GDF10: variants seen among roughly 807,000 people sequenced by gnomAD.
The protein encoded by GDF10 is growth/differentiation factor 10.
GDF10 carries 23 observed loss-of-function variants against 32.1 expected under a neutral mutation model. That is an observed-to-expected ratio of 0.72 (90% CI 0.52 to 1.02). The LOEUF (loss-of-function observed/expected upper bound fraction) is 1.02. GDF10 is among the 50% of genes least tolerant of loss of function. The pLI, the probability that GDF10 is intolerant of heterozygous loss-of-function variation, is 0.00. For missense variants in GDF10, 764 were observed against 673.9 expected (o/e 1.13, Z -1.48); for synonymous variants, 328 against 303.1 (o/e 1.08, Z -0.85).
intron 1 of GDF10, among the ~76,000 whole-genome samples, chr10:47,306,041 C>A (rs2061021926): frequency 6.6e-6 from 1 of 152,196 alleles, no homozygotes; most frequent in Non-Finnish European, 1.5e-5. Context: ...CAAGCCCCGA[C>A]TCCACCCCTT....
Position 47,309,829 on chromosome 10 carries a change from A to G in GDF10, c.353A>G (p.Asn118Ser), listed in dbSNP as rs782765479. Residue 118 changes from asparagine (N) to serine (S), a missense_variant, in exon 2 of 3, where the codon AAC becomes AGC. By Grantham distance (46) the Asn-to-Ser change is conservative (BLOSUM62 1). Coordinates refer to ENST00000580279, the MANE Select transcript of GDF10 (RefSeq NM_004962.5). ...GACCAGAAGGCCGTGTATTTCTTCAACCTGACTTCCATGCAAGACTCGGAA... is the reference window on the plus strand; with the variant it reads ...GACCAGAAGGCCGTGTATTTCTTCAGCCTGACTTCCATGCAAGACTCGGAA... ...VVDQKAVYFF[N>S]LTSMQDSEMI... 1 of 1,612,332 alleles carries G rather than the reference A, an allele frequency of 6.2e-7. No homozygotes were observed. The highest frequency in any genetic ancestry group is 1.1e-5 in the South Asian group (1 of 91,054).
At chr10:47,309,502 C>T (rs2607874) in intron 1 of GDF10, among the ~76,000 whole-genome samples, 122,408 of 152,180 alleles carry the variant, frequency 0.8, 51,818 homozygotes, top group Non-Finnish European at 0.94. Flanking sequence ...CCAGCAGGCC[C>T]GAATGCCTCC....
chr10:47,300,410 TGC>T lies in GDF10; in HGVS notation c.-239_-238del. 2.2e-6 allele frequency: 1 copy of T among 458,322 alleles called. No individual in the cohort carries two copies. Among genetic ancestry groups the T allele is most frequent in the African/African-American group, 2.1e-5 (1 of 48,314 alleles). 28.4% of individuals were successfully genotyped at this position (458,322 alleles called of 1,614,324 possible). ...CGCCGACTCGGGCTCGGCTCGGCTC[TGC>T]GCTGCTCCGGACGGCTGTGACCGCT... On this transcript the variant is annotated 5_prime_UTR_variant, in exon 1 of 3. Coordinates refer to ENST00000580279, the MANE Select transcript of GDF10 (RefSeq NM_004962.5).
chr10:47,312,834 C>T lies in GDF10; in HGVS notation c.*42C>T, dbSNP rs781825584. On this transcript the variant is annotated 3_prime_UTR_variant, in exon 3 of 3. Coordinates refer to ENST00000580279, the MANE Select transcript of GDF10 (RefSeq NM_004962.5). ...AAAGAAGCCACGCCCAGCAGAGCTG[C>T]CTTCTCGGAGCCTTCTGCAACCAGG... The T allele has an allele frequency of 1.5e-6, 2 of 1,376,414 alleles. No homozygotes were observed. The highest frequency in any genetic ancestry group is 2.9e-5 in the African/African-American group (2 of 68,424). The allele number at this position is 1,376,414 out of a possible 1,614,324, so 85.3% of individuals were successfully genotyped here. A position where few individuals can be genotyped will look rare whatever the true frequency, so the allele number is the denominator to read the frequency against.
At chr10:47,308,253 G>A (rs1275019385) in intron 1 of GDF10, among the ~76,000 whole-genome samples, 1 of 152,202 alleles carries the variant, frequency 6.6e-6, no homozygotes, top group Non-Finnish European at 1.5e-5. Context: ...TTGTTATGCA[G>A]TCAAGGCCAC....
chr10:47,302,178 G>C (rs2061007073), intron 1 of GDF10, among the ~76,000 whole-genome samples: 1 of 152,244 alleles, frequency 6.6e-6, no homozygotes, highest in Admixed American at 6.5e-5. Context: ...CATCTGGCAT[G>C]AACATGACCT....
chr10:47,310,088 G>A lies in GDF10; in HGVS notation c.612G>A (p.Lys204=), dbSNP rs782732619. 14 of 1,608,156 alleles carry A rather than the reference G, an allele frequency of 8.7e-6. No individual in the cohort carries two copies. In the African/African-American group the frequency reaches 1.5e-4, roughly 17 times the overall value. ...APPPRGLWQA[K]DISPIVKAAR... is the part of the protein sequence containing the mutation. ...CACCGCGCGGCCTGTGGCAGGCCAA[G>A]GACATCTCCCCCATCGTCAAGGCGG... The change falls in exon 2 of 3, where the codon AAG becomes AAA. Residue 204 remains lysine, a synonymous_variant. Transcript: ENST00000580279.
chr10:47,301,991 G>A (rs1416708317), intron 1 of GDF10, among the ~76,000 whole-genome samples: 3 of 152,248 alleles, frequency 2.0e-5, no homozygotes, highest in East Asian at 1.9e-4. Context: ...ACCATGGATT[G>A]GGGAGCACCT....
In GDF10 at chr10:47,300,752, G is replaced by A. The variant is rs782583853; in HGVS notation, c.101G>A (p.Ser34Asn). 6.4e-6 allele frequency: 10 copies of A among 1,561,406 alleles called. No homozygotes were observed. In the South Asian group the frequency reaches 1.0e-4, roughly 16 times the overall value. ...CTGTTGCTCCGGGATGTGGCCGGCA[G>A]CCACAGGGCCCCCGCCTGGTCCGCA... is the stretch of plus-strand genomic sequence containing the variant. Reference protein sequence around the residue: ...FLLLLRDVAGSHRAPAWSALP... With the variant: ...FLLLLRDVAGNHRAPAWSALP... Residue 34 changes from serine (S) to asparagine (N), a missense_variant, in exon 1 of 3, where the codon AGC (serine) becomes AAC (asparagine). Coordinates refer to ENST00000580279, the MANE Select transcript of GDF10 (RefSeq NM_004962.5).
chr10:47,308,656 G>A (rs940909025), intron 1 of GDF10, among the ~76,000 whole-genome samples: 7 of 152,128 alleles, frequency 4.6e-5, no homozygotes, highest in Middle Eastern at 3.4e-3. Context: ...CACACTTCCC[G>A]GGCTTGGGAG....
chr10:47,309,007 C>T (rs779653647), intron 1 of GDF10, among the ~76,000 whole-genome samples: 2 of 152,252 alleles, frequency 1.3e-5, no homozygotes, highest in South Asian at 2.1e-4. Context: ...AAGGAGTGGC[C>T]GGCAGCCCCA....
intron 1 of GDF10, among the ~76,000 whole-genome samples, chr10:47,307,287 AG>A: frequency 6.6e-6 from 1 of 152,296 alleles, no homozygotes; most frequent in Admixed American, 6.5e-5. Flanking sequence ...TGGATAGAAA[AG>A]GGGAAAGAGG....
rs782585614 is a variant in GDF10 at position 47,310,152 on chromosome 10, G to A, written c.676G>A (p.Asp226Asn). 16 of 1,612,036 alleles carry A rather than the reference G, an allele frequency of 9.9e-6. No individual in the cohort carries two copies. In the South Asian group the frequency reaches 1.8e-4, roughly 18 times the overall value. ...DGELLLSAQL[D>N]SEERDPGVPR... ...CGAGCTGCTCCTCTCCGCCCAGCTG[G>A]ATTCTGAGGAGAGGGACCCGGGGGT... is the stretch of plus-strand genomic sequence containing the variant. Residue 226 changes from aspartate to asparagine, a missense_variant, in exon 2 of 3, where the codon GAT (aspartate) becomes AAT (asparagine). Coordinates refer to ENST00000580279, the MANE Select transcript of GDF10 (RefSeq NM_004962.5).
intron 1 of GDF10, among the ~76,000 whole-genome samples, chr10:47,307,824 G>A (rs1360685247): frequency 1.3e-5 from 2 of 152,232 alleles, no homozygotes; most frequent in Admixed American, 6.5e-5. Context: ...TGAATGCAAG[G>A]TACCCCAGTT....
intron 1 of GDF10, among the ~76,000 whole-genome samples, chr10:47,304,585 A>G (rs985229844): frequency 1.3e-5 from 2 of 152,302 alleles, no homozygotes; most frequent in South Asian, 4.1e-4. Context: ...TGGTAGAATC[A>G]TTCCAGCCAT....
In GDF10 at chr10:47,310,299, G is replaced by T. The variant is rs782805283; in HGVS notation, c.823G>T (p.Glu275Ter). ...CGACCCCTTCCCTGCCGGAGACCCC[G>T]AGCCCCGCGCAGCCCCCAACAACTC... is the stretch of plus-strand genomic sequence containing the variant. ...RYDPFPAGDP[E>*]PRAAPNNSAD... The change falls in exon 2 of 3, where the codon GAG becomes TAG. Residue 275 changes from glutamate (E) to a stop codon, truncating the protein, a stop_gained. Transcript: ENST00000580279. LOFTEE classifies it high-confidence loss of function. 1 of 1,608,132 alleles carries T rather than the reference G, an allele frequency of 6.2e-7. No individual in the cohort carries two copies. Among genetic ancestry groups the T allele is most frequent in the Non-Finnish European group, 8.5e-7 (1 of 1,177,646 alleles).
At position 47,310,194 on chromosome 10, in the gene GDF10, T is replaced by G; in HGVS notation, c.718T>G (p.Tyr240Asp). The change falls in exon 2 of 3, where the codon TAT becomes GAT. Residue 240 changes from tyrosine (Y) to aspartate (D), a missense_variant. By Grantham distance (160) the Tyr-to-Asp change is radical. Transcript: ENST00000580279. ...RDPGVPRPSP[Y>D]APYILVYAND... ...CCCGGGGGTGCCCCGGCCCAGCCCC[T>G]ATGCGCCCTACATCCTAGTCTATGC... 1.2e-6 allele frequency: 2 copies of G among 1,611,652 alleles called. No individual in the cohort carries two copies. Among genetic ancestry groups the G allele is most frequent in the Non-Finnish European group, 1.7e-6 (2 of 1,179,194 alleles).
In GDF10 at chr10:47,310,409, G is replaced by A. The variant is rs782511481; in HGVS notation, c.933G>A (p.Pro311=). 1.2e-6 allele frequency: 2 copies of A among 1,610,858 alleles called. No individual in the cohort carries two copies. Among genetic ancestry groups the A allele is most frequent in the South Asian group, 1.1e-5 (1 of 90,930 alleles). ...NELPGLDERP[P]RAHAQHFHKH... ...TGCCGGGGCTGGATGAGAGGCCGCC[G>A]CGCGCCCACGCACAGCACTTCCACA... Residue 311 remains proline (P), a synonymous_variant, in exon 2 of 3, where the codon CCG becomes CCA. Transcript: ENST00000580279.
At chr10:47,312,078 G>A (rs933784611) in intron 2 of GDF10, among the ~76,000 whole-genome samples, 2 of 152,068 alleles carry the variant, frequency 1.3e-5, no homozygotes, top group Admixed American at 1.3e-4. Flanking sequence ...ACAAAAAAAA[G>A]GGGGTGATGC....
Sources: allele counts gnomAD v4.1 joint callset (sites outside exome capture counted in the v4.1 genomes callset), GRCh38; gene constraint gnomAD v4.1.1; transcripts MANE v1.5; gene names NCBI Gene and HGNC (gene_info 2026-07-23, HGNC 2026-07-21).